XPO6: variants seen among roughly 807,000 people sequenced by gnomAD.
The protein encoded by XPO6 is exportin 6, also known as exportin-6.
A neutral mutation model predicts 130.0 loss-of-function variants in XPO6; 3 were observed. That is an observed-to-expected ratio of 0.02 (90% CI 0.01 to 0.06). The LOEUF (loss-of-function observed/expected upper bound fraction) is 0.06, where lower values mean the gene tolerates loss of function less well. XPO6 is among the 10% of genes least tolerant of loss of function. XPO6 has a pLI of 1.00. For missense variants in XPO6, 970 were observed against 1,393.0 expected (o/e 0.70, Z 4.83); for synonymous variants, 524 against 548.9 (o/e 0.95, Z 0.63).
chr16:28,171,654 A>T (rs558889966), intron 4 of XPO6, among the ~76,000 whole-genome samples: 14 of 152,280 alleles, frequency 9.2e-5, no homozygotes, highest in African/African-American at 3.4e-4. Context: ...ATGTGTTTAA[A>T]ATGCTCTCTA....
Position 28,121,714 on chromosome 16 carries a change from A to G in XPO6, c.1815T>C (p.Ile605=), listed in dbSNP as rs780657821. ...LYGSQIKLYN[I]ETAVPSVLKP... Reference sequence around the variant, plus strand: ...TCAATACTGATGGCACAGCAGTTTCAATGTTGTACAATTTTATCTGAGATC... The same window carrying G: ...TCAATACTGATGGCACAGCAGTTTCGATGTTGTACAATTTTATCTGAGATC... The change falls in exon 14 of 24, where the codon ATT becomes ATC. Residue 605 remains isoleucine, a synonymous_variant. Transcript: ENST00000304658. 1 of 1,614,120 alleles carries G rather than the reference A, an allele frequency of 6.2e-7. No individual in the cohort carries two copies. The highest frequency in any genetic ancestry group is 8.5e-7 in the Non-Finnish European group (1 of 1,179,960).
intron 21 of XPO6, among the ~76,000 whole-genome samples, chr16:28,103,969 G>A (rs1359707927): frequency 1.3e-5 from 2 of 152,228 alleles, no homozygotes; most frequent in African/African-American, 4.8e-5. Flanking sequence ...GACCCTGGGA[G>A]CGTGCCTGAC....
intron 1 of XPO6, among the ~76,000 whole-genome samples, chr16:28,200,428 T>A (rs1029154092): frequency 6.6e-6 from 1 of 152,190 alleles, no homozygotes; most frequent in Non-Finnish European, 1.5e-5. Flanking sequence ...TTTTTGTTGA[T>A]GTCCTGTAAT....
chr16:28,152,619 A>G, intron 8 of XPO6, 40 bp downstream of exon 8: 6 of 1,586,214 alleles, frequency 3.8e-6, no homozygotes, highest in Non-Finnish European at 5.1e-6. Flanking sequence ...AAGGTAATAA[A>G]CCTTTTCTCT....
At chr16:28,176,343 C>T (rs2141862959) in intron 3 of XPO6, among the ~76,000 whole-genome samples, 1 of 152,288 alleles carries the variant, frequency 6.6e-6, no homozygotes, top group East Asian at 1.9e-4. Flanking sequence ...ACACCACTGT[C>T]TCTAATGGCC....
rs550385032 is a variant in XPO6 at position 28,208,712 on chromosome 16, C to A, written c.3+2654G>T. ...CTACTGACTGCCAATTAAAATGAAA[C>A]CTCAATACAAGGGTGCTGGGCTAGC... On this transcript the variant is annotated intron_variant, in intron 1 of 23. Coordinates refer to ENST00000304658, the MANE Select transcript of XPO6 (RefSeq NM_015171.4). 5.3e-5 allele frequency among the ~76,000 whole-genome samples: 8 copies of A among 152,266 alleles called. No individual in the cohort carries two copies. In the East Asian group the frequency reaches 1.5e-3, roughly 29 times the overall value.
intron 9 of XPO6, among the ~76,000 whole-genome samples, chr16:28,136,381 G>A (rs2042775558): frequency 6.6e-6 from 1 of 152,072 alleles, no homozygotes; most frequent in Admixed American, 6.5e-5. Flanking sequence ...CACTAGGTCT[G>A]GCTAATTTTT....
intron 6 of XPO6, among the ~76,000 whole-genome samples, chr16:28,160,184 TAAAAAA>T (rs56947792): frequency 9.2e-5 from 7 of 76,124 alleles, no homozygotes; most frequent in African/African-American, 2.4e-4. Flanking sequence ...GCCTCCGTCT[TAAAAAA>T]AAAAAAAAAA....
At chr16:28,192,262 CAA>C (rs11429447) in intron 1 of XPO6, among the ~76,000 whole-genome samples, 4,816 of 82,554 alleles carry the variant, frequency 0.058, 219 homozygotes, top group African/African-American at 0.17. Context: ...GACTCCGTCT[CAA>C]AAAAAAAAAA....
At chr16:28,115,790 T>G (rs2087039223) in intron 15 of XPO6, among the ~76,000 whole-genome samples, 1 of 152,242 alleles carries the variant, frequency 6.6e-6, no homozygotes, top group Non-Finnish European at 1.5e-5. Flanking sequence ...AATCTGTTGT[T>G]TAGTATGGCC....
At chr16:28,191,809 A>G (rs2043790806) in intron 1 of XPO6, among the ~76,000 whole-genome samples, 1 of 152,244 alleles carries the variant, frequency 6.6e-6, no homozygotes, top group Admixed American at 6.5e-5. Context: ...GAACCACTAT[A>G]AAAGCATGCT....
At chr16:28,176,877 T>A (rs551510624) in intron 3 of XPO6, among the ~76,000 whole-genome samples, 1 of 152,248 alleles carries the variant, frequency 6.6e-6, no homozygotes, top group East Asian at 1.9e-4. Flanking sequence ...ATAAAACTTT[T>A]TGTTGTTGGG....
At chr16:28,180,048 A>G (rs1470867429) in intron 2 of XPO6, among the ~76,000 whole-genome samples, 1 of 152,230 alleles carries the variant, frequency 6.6e-6, no homozygotes, top group Non-Finnish European at 1.5e-5. Flanking sequence ...CAAGACTTCA[A>G]AGAATACAGT....
intron 23 of XPO6, among the ~76,000 whole-genome samples, chr16:28,098,885 C>T (rs962784708): frequency 1.3e-5 from 2 of 152,184 alleles, no homozygotes; most frequent in African/African-American, 4.8e-5. Context: ...AATCAACATA[C>T]AGACATCAAC....
chr16:28,135,072 A>C, intron 10 of XPO6, 144 bp downstream of exon 10: 1 of 600,100 alleles, frequency 1.7e-6, no homozygotes. Context: ...GGAGATTAAA[A>C]ATTTCAAATG....
At chr16:28,173,206 AT>A (rs2043482517) in intron 4 of XPO6, 1 of 152,186 alleles carries the variant, frequency 6.6e-6, no homozygotes, top group Admixed American at 6.5e-5. Flanking sequence ...CCTGGAACCA[AT>A]CCCCCACGGA....
chr16:28,106,264 C>G lies in XPO6; in HGVS notation c.2613-50G>C. 6.2e-7 allele frequency: 1 copy of G among 1,607,554 alleles called. No individual in the cohort carries two copies. Among genetic ancestry groups the G allele is most frequent in the Non-Finnish European group, 8.5e-7 (1 of 1,175,268 alleles). ...GAGCAACCACATGTTTCTCTGGGGG[C>G]CAGCATGAAAACCCATGCTGTGGCA... On this transcript the variant is annotated intron_variant, in intron 19 of 23. Coordinates refer to ENST00000304658, the MANE Select transcript of XPO6 (RefSeq NM_015171.4). This position sits in a 1 kb window ranked among gnomAD's most constrained non-coding sequence, Gnocchi z 4.2.
chr16:28,156,108 T>C lies in XPO6; in HGVS notation c.1063A>G (p.Thr355Ala). Residue 355 changes from threonine (T) to alanine (A), a missense_variant, in exon 7 of 24, where the codon ACA (threonine) becomes GCA (alanine). Physicochemically the swap from Thr to Ala is moderately conservative, Grantham distance 58. Transcript: ENST00000304658. ...AGCTCTTCTAGCCTGCTCTTCACTG[T>C]GTGGGCATTGTTATCCTTGGTGATT... ...QKITKDNNAH[T>A]VKSRLEELDE... The C allele has an allele frequency of 1.2e-6, 2 of 1,612,620 alleles. No homozygotes were observed. The highest frequency in any genetic ancestry group is 1.7e-6 in the Non-Finnish European group (2 of 1,179,046).
rs1050866814 is a variant in XPO6 at position 28,132,704 on chromosome 16, A to G, written c.1537-301T>C. On this transcript the variant is annotated intron_variant, in intron 11 of 23. Transcript: ENST00000304658. This position sits in a 1 kb window ranked among gnomAD's most constrained non-coding sequence, Gnocchi z 4.0. Reference sequence around the variant, plus strand: ...ACTGTGGTATGACTCTTACGTTCCTAATAGAGGAGATCAAACCCTGAAATG... The same window carrying G: ...ACTGTGGTATGACTCTTACGTTCCTGATAGAGGAGATCAAACCCTGAAATG... Among the ~76,000 whole-genome samples the G allele has an allele frequency of 2.0e-5, 3 of 151,602 alleles. No individual in the cohort carries two copies. Among genetic ancestry groups the G allele is most frequent in the Non-Finnish European group, 4.4e-5 (3 of 67,966 alleles).
Sources: allele counts gnomAD v4.1 joint callset (sites outside exome capture counted in the v4.1 genomes callset), GRCh38; gene constraint gnomAD v4.1.1; non-coding constraint Gnocchi (gnomAD v3.1); transcripts MANE v1.5; gene names NCBI Gene and HGNC (gene_info 2026-07-23, HGNC 2026-07-21).